Variants in ZFHX3 observed in about 807,000 individuals in gnomAD.
The protein encoded by ZFHX3 is zinc finger homeobox protein 3.
Under a neutral mutation model 279.1 loss-of-function variants are expected in ZFHX3, and 42 were observed. That is an observed-to-expected ratio of 0.15 (90% CI 0.12 to 0.19). The LOEUF (loss-of-function observed/expected upper bound fraction) is 0.19, where lower values mean the gene tolerates loss of function less well. Ranked by LOEUF, ZFHX3 falls within the 10% of genes least tolerant of loss-of-function variation. The probability of loss-of-function intolerance (pLI) is 1.00; values close to 1 mark genes in which losing one functional copy is unlikely to be tolerated. For missense variants in ZFHX3, 4,981 were observed against 4,754.0 expected, an observed-to-expected ratio of 1.05 and a Z score of -1.40; for synonymous variants, 2,293 against 1,957.8, an observed-to-expected ratio of 1.17 and a Z score of -4.52.
chr16:73,585,260 A>G (rs2051912944), intron 2 of ZFHX3, among the ~76,000 whole-genome samples: 1 of 152,198 alleles, frequency 6.6e-6, no homozygotes, highest in African/African-American at 2.4e-5. Flanking sequence ...AACTAAAAAT[A>G]CAAAAATTAT....
intron 5 of ZFHX3, among the ~76,000 whole-genome samples, chr16:73,189,548 G>T (rs1967983920): frequency 1.3e-5 from 2 of 152,324 alleles, no homozygotes; most frequent in Non-Finnish European, 1.5e-5. Flanking sequence ...TAAAGCAGAA[G>T]ATTGATTCTG....
At chr16:73,294,003 A>C (rs1433044688) in intron 4 of ZFHX3, 1 of 151,406 alleles carries the variant, frequency 6.6e-6, no homozygotes, top group East Asian at 1.9e-4. Context: ...AAAAAAAAAA[A>C]AAAAAAAAAA....
At chr16:73,191,328 C>G (rs374945938) in intron 5 of ZFHX3, among the ~76,000 whole-genome samples, 2 of 152,096 alleles carry the variant, frequency 1.3e-5, no homozygotes, top group African/African-American at 2.4e-5. Flanking sequence ...CAGGTCTGTT[C>G]GCTGGGCAAG....
At chr16:73,151,788 C>T (rs1340355611) in intron 5 of ZFHX3, among the ~76,000 whole-genome samples, 4 of 151,430 alleles carry the variant, frequency 2.6e-5, no homozygotes, top group Admixed American at 2.6e-4. Context: ...GAAGAATTCA[C>T]GTGATAACAC....
intron 6 of ZFHX3, among the ~76,000 whole-genome samples, chr16:73,132,914 G>A (rs1966718159): frequency 6.6e-6 from 1 of 152,198 alleles, no homozygotes; most frequent in South Asian, 2.1e-4. Context: ...CTCCTGGTCG[G>A]TTTGGCCGAT....
rs140733251 is a variant in ZFHX3 at position 73,245,185 on chromosome 16, C to G, written c.-1104+11862G>C. 2.0e-4 allele frequency among the ~76,000 whole-genome samples: 30 copies of G among 152,336 alleles called. No homozygotes were observed. The East Asian group carries it at 5.2e-3, about 26-fold the overall frequency. On this transcript the variant is annotated intron_variant, in intron 5 of 17. Coordinates refer to the ZFHX3 transcript ENST00000641206. The stretch of plus-strand genomic sequence containing the variant: ...ACACTGCCCTCTCATTGTTGATTTA[C>G]TCATCTGTCTCCTCTTGCAAGATGT...
chr16:73,296,881 T>G (rs1422439690), intron 4 of ZFHX3, among the ~76,000 whole-genome samples: 7 of 115,390 alleles, frequency 6.1e-5, no homozygotes, highest in South Asian at 4.0e-4. Flanking sequence ...GCAGGAATTT[T>G]TTTTTTTTTT....
intron 1 of ZFHX3, among the ~76,000 whole-genome samples, chr16:73,776,650 G>A (rs1959254705): frequency 6.6e-6 from 1 of 152,124 alleles, no homozygotes; most frequent in Non-Finnish European, 1.5e-5. Flanking sequence ...CTAAGACCAG[G>A]GGGATTGGGA....
At chr16:72,871,812 G>A (rs920645161) in intron 4 of ZFHX3, among the ~76,000 whole-genome samples, 19 of 151,912 alleles carry the variant, frequency 1.3e-4, no homozygotes, top group Non-Finnish European at 2.4e-4. Flanking sequence ...TTGGCTGGGC[G>A]CGGTGGCTCA....
intron 1 of ZFHX3, among the ~76,000 whole-genome samples, chr16:73,832,810 G>GA (rs1961033883): frequency 6.6e-6 from 1 of 152,036 alleles, no homozygotes; most frequent in Non-Finnish European, 1.5e-5. Context: ...CACACACCTT[G>GA]AAAATCTGTC....
intron 2 of ZFHX3, among the ~76,000 whole-genome samples, chr16:73,653,193 G>A (rs2052688390): frequency 6.6e-6 from 1 of 152,098 alleles, no homozygotes; most frequent in South Asian, 2.1e-4. Context: ...ACAGAAAAAA[G>A]TCAATGAGAA....
intron 2 of ZFHX3, among the ~76,000 whole-genome samples, chr16:73,460,361 T>C (rs1009131522): frequency 7.9e-5 from 12 of 152,228 alleles, no homozygotes; most frequent in Non-Finnish European, 1.8e-4. Context: ...TGCTTAACCA[T>C]CTACCTACTG....
chr16:72,832,950 T>A (rs1242091408), intron 4 of ZFHX3, among the ~76,000 whole-genome samples: 1 of 152,192 alleles, frequency 6.6e-6, no homozygotes, highest in Non-Finnish European at 1.5e-5. Context: ...TTAAAATGGA[T>A]GAAAGCCCAG....
At chr16:73,218,167 T>G (rs1478620544) in intron 5 of ZFHX3, among the ~76,000 whole-genome samples, 3 of 152,160 alleles carry the variant, frequency 2.0e-5, no homozygotes, top group African/African-American at 7.2e-5. Context: ...CGATATTTAT[T>G]GACATTAGGA....
At chr16:73,252,236 A>T (rs948156205) in intron 5 of ZFHX3, among the ~76,000 whole-genome samples, 1 of 152,170 alleles carries the variant, frequency 6.6e-6, no homozygotes, top group African/African-American at 2.4e-5. Context: ...GGAAAATAAA[A>T]CTGTGATCCA....
rs769801707 is a variant in ZFHX3 at position 72,958,884 on chromosome 16, C to T, written c.1262G>A (p.Gly421Glu). ...TTTGGTAGGACTGGAAGCCAGAGGC[C>T]CCAGGGGGACTGAGGTAATGGGGGT... is the stretch of plus-strand genomic sequence containing the variant. ...LKTPITSVPLGPLASSPTKSS... is the reference protein window; with the variant it reads ...LKTPITSVPLEPLASSPTKSS... Residue 421 changes from glycine (G) to glutamate (E), a missense_variant, in exon 2 of 10, where the codon GGG (glycine) becomes GAG (glutamate). By Grantham distance (98) the Gly-to-Glu change is moderately conservative (BLOSUM62 -2). This residue lies in a region of ZFHX3 where 1,068 missense variants were observed against 935.2 expected (regional missense o/e 1.14). Coordinates refer to ENST00000268489, the MANE Select transcript of ZFHX3 (RefSeq NM_006885.4). The T allele has an allele frequency of 4.0e-5, 65 of 1,611,260 alleles. 1 individual carries two copies. In the South Asian group the frequency reaches 7.0e-4, roughly 17 times the overall value.
chr16:73,156,680 C>A (rs1016423689), intron 5 of ZFHX3, among the ~76,000 whole-genome samples: 2 of 152,054 alleles, frequency 1.3e-5, no homozygotes, highest in African/African-American at 4.8e-5. Flanking sequence ...TTTAGTCTCC[C>A]AAGTAGCTGG....
chr16:72,925,899 C>T (rs1225776374), intron 3 of ZFHX3, among the ~76,000 whole-genome samples: 1 of 152,192 alleles, frequency 6.6e-6, no homozygotes, highest in Non-Finnish European at 1.5e-5. Flanking sequence ...TCCCCCACTA[C>T]TCATTATATA....
At chr16:73,449,077 T>C (rs1442898976) in intron 3 of ZFHX3, among the ~76,000 whole-genome samples, 1 of 152,192 alleles carries the variant, frequency 6.6e-6, no homozygotes, top group African/African-American at 2.4e-5. Flanking sequence ...GTATGACACC[T>C]ATGAGTCCAT....
Sources: gnomAD v4.1 joint callset for allele counts (sites outside exome capture counted in the v4.1 genomes callset) on GRCh38, gnomAD v4.1.1 for gene constraint, gnomAD v4.1.1 regional missense constraint, MANE v1.5 for transcripts, NCBI Gene and HGNC (gene_info 2026-07-23, HGNC 2026-07-21) for gene names.